The following INO80D variants were observed in gnomAD, a reference collection of about 807,000 sequenced individuals.
INO80D encodes the protein INO80 complex subunit D.
A neutral mutation model predicts 87.6 loss-of-function variants in INO80D; 21 were observed. The observed-to-expected ratio is 0.24, with a 90% confidence interval of 0.17 to 0.35. INO80D has a LOEUF of 0.35. INO80D is among the 10% of genes least tolerant of loss of function. The pLI is 1.00. For synonymous variants in INO80D, 440 were observed against 491.0 expected (o/e 0.90, Z 1.37); for missense variants, 982 against 1,280.7 (o/e 0.77, Z 3.56).
Position 206,056,567 on chromosome 2 carries a change from C to T in INO80D, c.595G>A (p.Ala199Thr). Residue 199 changes from alanine (A) to threonine (T), a missense_variant, in exon 4 of 11, where the codon GCA becomes ACA. Ala to Thr is a moderately conservative substitution (Grantham distance 58, BLOSUM62 0). Coordinates refer to ENST00000403263, the MANE Select transcript of INO80D (RefSeq NM_017759.5). The stretch of plus-strand genomic sequence containing the variant: ...TGCGGAGGCTGCTGCTGTGAAGGTG[C>T]AGGAGGGGGACTAAAGTGCTCTTGT... ...VRQEHFSPPPAPSQQQPPQQH... is the reference protein window; with the variant it reads ...VRQEHFSPPPTPSQQQPPQQH... The T allele has an allele frequency of 6.2e-7, 1 of 1,612,360 alleles. No homozygotes were observed. Among genetic ancestry groups the T allele is most frequent in the African/African-American group, 1.3e-5 (1 of 75,042 alleles).
Position 206,019,723 on chromosome 2 carries a change from GT to G in INO80D, c.1408+12del, listed in dbSNP as rs777406246. Reference sequence around the variant, plus strand: ...ACTTTTTCAATGCACATTCCATTTAGTTGAAAGGATACGTTGGAAACAATGT... The same window carrying G: ...ACTTTTTCAATGCACATTCCATTTAGTGAAAGGATACGTTGGAAACAATGT... On this transcript the variant is annotated intron_variant, in intron 7 of 10. Coordinates refer to ENST00000403263, the MANE Select transcript of INO80D (RefSeq NM_017759.5). 6.2e-7 allele frequency: 1 copy of G among 1,600,986 alleles called. No individual in the cohort carries two copies. The highest frequency in any genetic ancestry group is 1.1e-5 in the South Asian group (1 of 90,134).
chr2:206,040,708 C>T, intron 5 of INO80D: 1 of 266,364 alleles, frequency 3.8e-6, no homozygotes. Context: ...TATCCTCTTA[C>T]ACAAAACTGT....
intron 7 of INO80D, 128 bp downstream of exon 7, chr2:206,019,608 G>A (rs1023406415): frequency 1.4e-5 from 9 of 646,526 alleles, no homozygotes; most frequent in South Asian, 3.3e-5. Context: ...AATTATGTTC[G>A]ATAAAATTAT....
intron 8 of INO80D, among the ~76,000 whole-genome samples, chr2:206,015,305 T>C (rs1010105494): frequency 3.9e-5 from 6 of 152,192 alleles, no homozygotes; most frequent in Non-Finnish European, 7.3e-5. Flanking sequence ...GCACGTCAGA[T>C]GTCTTCTCGG....
At chr2:206,074,924 A>G (rs1411080763) in intron 1 of INO80D, among the ~76,000 whole-genome samples, 1 of 151,924 alleles carries the variant, frequency 6.6e-6, no homozygotes, top group Non-Finnish European at 1.5e-5. Flanking sequence ...GGACGACAAG[A>G]GCGAAACTCC....
At position 206,034,553 on chromosome 2, in the gene INO80D, A is replaced by G. The variant is rs543439945; in HGVS notation, c.1074-6218T>C. 1.5e-3 allele frequency among the ~76,000 whole-genome samples: 229 copies of G among 152,292 alleles called. 2 individuals are homozygous for G. Among genetic ancestry groups the G allele is most frequent in the Non-Finnish European group, 2.5e-4 (17 of 68,010 alleles). ...TGACAAAATCCAGCACCTCTTTATG[A>G]TTAAAACTTTCAGCAAAATTGGCAT... is the stretch of plus-strand genomic sequence containing the variant. On this transcript the variant is annotated intron_variant, in intron 5 of 10. Transcript: ENST00000403263.
In INO80D at chr2:206,062,602, A is replaced by T. The variant is rs922256528; in HGVS notation, c.218+197T>A. Among the ~76,000 whole-genome samples, 22 of 152,230 alleles carry T rather than the reference A, an allele frequency of 1.4e-4. No individual in the cohort carries two copies. Among genetic ancestry groups the T allele is most frequent in the African/African-American group, 2.2e-4 (9 of 41,468 alleles). On this transcript the variant is annotated intron_variant, in intron 3 of 10. Coordinates refer to ENST00000403263, the MANE Select transcript of INO80D (RefSeq NM_017759.5). This position sits in a 1 kb window ranked among gnomAD's most constrained non-coding sequence, Gnocchi z 4.6. ...TTCCCCAAATTTATTACTCTATTTTAAAAAATTGCCATATTTCATCTTTAA... is the reference window on the plus strand; with the variant it reads ...TTCCCCAAATTTATTACTCTATTTTTAAAAATTGCCATATTTCATCTTTAA...
rs1687878591 is a variant in INO80D, at chr2:206,000,065, T to G, written c.*4303A>C. On this transcript the variant is annotated 3_prime_UTR_variant, in exon 11 of 11. Coordinates refer to ENST00000403263, the MANE Select transcript of INO80D (RefSeq NM_017759.5). Reference sequence around the variant, plus strand: ...CAAAAGAGATACAAATGAGGACTGTTCAGTATGATGAAATTTTCTTTCAAG... The same window carrying G: ...CAAAAGAGATACAAATGAGGACTGTGCAGTATGATGAAATTTTCTTTCAAG... The G allele has an allele frequency of 6.6e-6, 1 of 152,112 alleles. No homozygotes were observed. 9.4% of individuals were successfully genotyped at this position (152,112 alleles called of 1,614,324 possible). A position where few individuals can be genotyped will look rare whatever the true frequency, so the allele number is the denominator to read the frequency against.
chr2:206,040,964 G>C (rs115535086), intron 5 of INO80D: 1 of 154,044 alleles, frequency 6.5e-6, no homozygotes, highest in South Asian at 2.0e-4. Flanking sequence ...GTAGATAAAT[G>C]AAATGAGTAG....
At chr2:206,042,758 G>C (rs1229440704) in intron 5 of INO80D, among the ~76,000 whole-genome samples, 2 of 151,734 alleles carry the variant, frequency 1.3e-5, no homozygotes, top group African/African-American at 2.4e-5. Context: ...GTCAACGCAG[G>C]AGGACTCCTT....
intron 4 of INO80D, among the ~76,000 whole-genome samples, chr2:206,049,664 G>A (rs185472566): frequency 2.6e-5 from 4 of 152,174 alleles, no homozygotes; most frequent in African/African-American, 9.6e-5. Context: ...AGCCCAGACA[G>A]GACTATAAAG....
intron 6 of INO80D, 31 bp from the exon 7 acceptor site, chr2:206,019,876 T>G (rs753765877): frequency 3.9e-6 from 6 of 1,546,052 alleles, no homozygotes; most frequent in Non-Finnish European, 3.6e-6. Flanking sequence ...AATTAATTTT[T>G]TTTTAATGCT....
At position 206,000,815 on chromosome 2, in the gene INO80D, A is replaced by G. The variant is rs1687896014; in HGVS notation, c.*3553T>C. The G allele has an allele frequency of 6.6e-6, 1 of 152,012 alleles. No homozygotes were observed. Among genetic ancestry groups the G allele is most frequent in the African/African-American group, 2.4e-5 (1 of 41,392 alleles). The allele number at this position is 152,012 out of a possible 1,614,324, so 9.4% of individuals were successfully genotyped here. ...AAAGACAGTAACACCAATTTTAAGG[A>G]AAAAAAATAATAACCTCACTTTCCA... is the stretch of plus-strand genomic sequence containing the variant. On this transcript the variant is annotated 3_prime_UTR_variant, in exon 11 of 11. Coordinates refer to ENST00000403263, the MANE Select transcript of INO80D (RefSeq NM_017759.5).
At chr2:206,048,017 AT>A (rs1004715221) in intron 4 of INO80D, among the ~76,000 whole-genome samples, 57 of 146,294 alleles carry the variant, frequency 3.9e-4, no homozygotes, top group Admixed American at 4.8e-4. Flanking sequence ...CGCCTGGCTA[AT>A]TTTTTTTTTT....
chr2:206,023,228 C>T (rs1688514297), intron 6 of INO80D, among the ~76,000 whole-genome samples: 2 of 151,702 alleles, frequency 1.3e-5, no homozygotes, highest in South Asian at 4.2e-4. Context: ...AATAAAGGGT[C>T]CACATTAGAA....
intron 5 of INO80D, among the ~76,000 whole-genome samples, chr2:206,043,241 G>A (rs1049048291): frequency 6.6e-6 from 1 of 151,758 alleles, no homozygotes; most frequent in Admixed American, 6.6e-5. Flanking sequence ...GCACAATCTC[G>A]GCTCACTGCA....
chr2:206,078,021 C>G (rs1299123001), intron 1 of INO80D, among the ~76,000 whole-genome samples: 1 of 115,912 alleles, frequency 8.6e-6, no homozygotes, highest in Non-Finnish European at 1.6e-5. Flanking sequence ...CTTTGGCATA[C>G]TTTGCTCAAA....
chr2:206,025,542 A>ATATATATATATATATAT (rs1553616187), intron 6 of INO80D: 20 of 76,938 alleles, frequency 2.6e-4, no homozygotes, highest in Admixed American at 4.1e-4. Flanking sequence ...AAAAAAAAAA[A>ATATATATATATATATAT]ATATATATAT....
intron 9 of INO80D, chr2:206,007,843 CA>C (rs1324269737): frequency 1.3e-5 from 2 of 153,574 alleles, no homozygotes; most frequent in East Asian, 3.9e-4. Context: ...CAACCAAAAT[CA>C]AAAAACAAGC....
Sources: allele counts gnomAD v4.1 joint callset (sites outside exome capture counted in the v4.1 genomes callset), GRCh38; gene constraint gnomAD v4.1.1; non-coding constraint Gnocchi (gnomAD v3.1); transcripts MANE v1.5; gene names NCBI Gene and HGNC (gene_info 2026-07-23, HGNC 2026-07-21).